HMBOX1: variants seen among roughly 807,000 people sequenced by gnomAD.
HMBOX1 encodes homeobox-containing protein 1.
HMBOX1 carries 14 observed loss-of-function variants against 54.5 expected under a neutral mutation model. That is an observed-to-expected ratio of 0.26 (90% CI 0.17 to 0.40). The LOEUF (loss-of-function observed/expected upper bound fraction) is 0.40. Ranked by LOEUF, HMBOX1 falls within the 10% of genes least tolerant of loss-of-function variation. The probability of loss-of-function intolerance (pLI) is 1.00; values close to 1 mark genes in which losing one functional copy is unlikely to be tolerated. For missense variants in HMBOX1, 332 were observed against 514.4 expected, an observed-to-expected ratio of 0.65 and a Z score of 3.43; for synonymous variants, 160 against 181.0, an observed-to-expected ratio of 0.88 and a Z score of 0.93.
Position 29,018,780 on chromosome 8 carries a change from C to A in HMBOX1, c.718C>A (p.Pro240Thr). The change falls in exon 6 of 10, where the codon CCA (proline) becomes ACA (threonine). Residue 240 changes from proline to threonine, a missense_variant. By Grantham distance (38) the Pro-to-Thr change is conservative. Around this residue, in one of 4 missense-constraint regions of HMBOX1, gnomAD observed 117 missense variants for 220.0 expected, o/e 0.53. Transcript: ENST00000287701. ...TNPGATLSMR[P>T]APIPIEDPEW... is the part of the protein sequence containing the mutation. ...TTCAGGCGCTACACTAAGTATGAGA[C>A]CAGCCCCCATTCCAATAGAGGACCC... The A allele has an allele frequency of 3.7e-6, 6 of 1,614,132 alleles. No homozygotes were observed. Among genetic ancestry groups the A allele is most frequent in the Non-Finnish European group, 4.2e-6 (5 of 1,179,962 alleles).
intron 4 of HMBOX1, among the ~76,000 whole-genome samples, chr8:29,007,415 G>A (rs989224392): frequency 6.6e-6 from 1 of 152,212 alleles, no homozygotes; most frequent in Non-Finnish European, 1.5e-5. Context: ...GGCATACAGT[G>A]CCTACATTAC....
chr8:29,021,648 G>T (rs1419345065), intron 6 of HMBOX1, among the ~76,000 whole-genome samples: 3 of 151,904 alleles, frequency 2.0e-5, no homozygotes, highest in Non-Finnish European at 2.9e-5. Flanking sequence ...GAGGCCAGGA[G>T]ATCGAGAGCA....
intron 1 of HMBOX1, among the ~76,000 whole-genome samples, chr8:28,929,239 G>A (rs1466591245): frequency 6.6e-6 from 1 of 152,194 alleles, no homozygotes; most frequent in East Asian, 1.9e-4. Flanking sequence ...TTTGTATCAA[G>A]TTTTAAGGAA....
At chr8:29,026,785 T>C (rs1169563113) in intron 6 of HMBOX1, among the ~76,000 whole-genome samples, 1 of 152,200 alleles carries the variant, frequency 6.6e-6, no homozygotes, top group Admixed American at 6.5e-5. Context: ...TTAATTTGGG[T>C]ATATACTGAT....
intron 5 of HMBOX1, among the ~76,000 whole-genome samples, chr8:29,016,450 TAAAC>T (rs976347053): frequency 2.0e-5 from 3 of 152,212 alleles, no homozygotes; most frequent in Non-Finnish European, 4.4e-5. Context: ...TAAAGGGAAA[TAAAC>T]AACTGAGGAT....
chr8:28,895,422 C>T (rs1012104984), intron 1 of HMBOX1, among the ~76,000 whole-genome samples: 4 of 152,180 alleles, frequency 2.6e-5, no homozygotes, highest in African/African-American at 9.7e-5. Context: ...TGCCTGTCAT[C>T]CCAACACTTT....
chr8:28,978,261 T>C (rs138558477), intron 3 of HMBOX1, among the ~76,000 whole-genome samples: 1 of 152,300 alleles, frequency 6.6e-6, no homozygotes, highest in East Asian at 1.9e-4. Flanking sequence ...AAATCCCTCA[T>C]CCAAGTTAAA....
rs140779972 is a variant in HMBOX1 at position 29,051,852 on chromosome 8, G to A, written c.*697G>A. On this transcript the variant is annotated 3_prime_UTR_variant, in exon 10 of 10. Coordinates refer to ENST00000287701, the MANE Select transcript of HMBOX1 (RefSeq NM_001135726.3). ...CTTAGTAGATAAAATACTGCCTTCT[G>A]CCTTTGGGACCATGATTAAAAACAA... 3.0e-6 allele frequency: 1 copy of A among 334,540 alleles called. No homozygotes were observed. Among genetic ancestry groups the A allele is most frequent in the Non-Finnish European group, 5.3e-6 (1 of 187,464 alleles). 20.7% of individuals were successfully genotyped at this position (334,540 alleles called of 1,614,324 possible). A position where few individuals can be genotyped will look rare whatever the true frequency, so the allele number is the denominator to read the frequency against.
intron 3 of HMBOX1, among the ~76,000 whole-genome samples, chr8:28,977,497 G>C (rs966617299): frequency 2.0e-5 from 3 of 152,154 alleles, no homozygotes; most frequent in Non-Finnish European, 2.9e-5. Context: ...CTTGTACACT[G>C]ATTATTGATG....
At chr8:29,047,561 TC>T in intron 8 of HMBOX1, 108 bp downstream of exon 8, 3 of 524,554 alleles carry the variant, frequency 5.7e-6, no homozygotes, top group Admixed American at 3.5e-5. Context: ...GATCCTAACT[TC>T]TCTTTTTTTT....
chr8:28,987,843 T>G (rs1234795738), intron 4 of HMBOX1, among the ~76,000 whole-genome samples: 2 of 152,206 alleles, frequency 1.3e-5, no homozygotes, highest in African/African-American at 4.8e-5. Context: ...AATGTCAGAC[T>G]GTGTCAACTT....
At chr8:28,977,590 C>G (rs929962819) in intron 3 of HMBOX1, among the ~76,000 whole-genome samples, 1 of 152,086 alleles carries the variant, frequency 6.6e-6, no homozygotes, top group Non-Finnish European at 1.5e-5. Flanking sequence ...TTTATTTGTA[C>G]CTTTTTCTTT....
chr8:28,974,759 T>G (rs1268699406), intron 3 of HMBOX1, among the ~76,000 whole-genome samples: 1 of 152,208 alleles, frequency 6.6e-6, no homozygotes, highest in Non-Finnish European at 1.5e-5. Context: ...GGGAATAGGT[T>G]TTATTCAAAC....
chr8:29,031,636 A>C (rs895040475), intron 6 of HMBOX1, among the ~76,000 whole-genome samples: 1 of 151,612 alleles, frequency 6.6e-6, no homozygotes. Context: ...ATGTGTCCTT[A>C]TGGAAATTGC....
At chr8:28,896,978 G>GTTT (rs201463638) in intron 1 of HMBOX1, among the ~76,000 whole-genome samples, 2 of 141,852 alleles carry the variant, frequency 1.4e-5, no homozygotes, top group African/African-American at 5.2e-5. Context: ...TATTGGCTAG[G>GTTT]TTTTTTTTTT....
At chr8:29,021,547 C>T (rs1801156601) in intron 6 of HMBOX1, among the ~76,000 whole-genome samples, 2 of 152,156 alleles carry the variant, frequency 1.3e-5, no homozygotes, top group East Asian at 1.9e-4. Flanking sequence ...GCAAATGGTC[C>T]TTGAACATAT....
chr8:29,051,530 G>C lies in HMBOX1; in HGVS notation c.*375G>C, dbSNP rs1806424593. 1 of 702,778 alleles carries C rather than the reference G, an allele frequency of 1.4e-6. No individual in the cohort carries two copies. The highest frequency in any genetic ancestry group is 2.0e-5 in the Admixed American group (1 of 50,000). 43.5% of individuals were successfully genotyped at this position (702,778 alleles called of 1,614,324 possible). On this transcript the variant is annotated 3_prime_UTR_variant, in exon 10 of 10. Transcript: ENST00000287701. ...CTTTAGATTCTTGTAACACTAGTCTGTACTCCCTTTTCCTTCCCCAAGACT... is the reference window on the plus strand; with the variant it reads ...CTTTAGATTCTTGTAACACTAGTCTCTACTCCCTTTTCCTTCCCCAAGACT...
At chr8:29,021,159 A>G (rs568691595) in intron 6 of HMBOX1, among the ~76,000 whole-genome samples, 10 of 152,360 alleles carry the variant, frequency 6.6e-5, no homozygotes, top group Non-Finnish European at 1.3e-4. Context: ...TGGGCGACAT[A>G]GTAAGATCCT....
chr8:28,981,177 T>C (rs1282108423), intron 4 of HMBOX1, among the ~76,000 whole-genome samples: 2 of 152,232 alleles, frequency 1.3e-5, no homozygotes, highest in African/African-American at 2.4e-5. Flanking sequence ...AGAAGTCTTA[T>C]ATTTCATCCC....
Sources: allele counts gnomAD v4.1 joint callset (sites outside exome capture counted in the v4.1 genomes callset), GRCh38; gene constraint gnomAD v4.1.1; regional missense constraint gnomAD v4.1.1; transcripts MANE v1.5; gene names NCBI Gene and HGNC (gene_info 2026-07-23, HGNC 2026-07-21).